ATP9B: variants seen among roughly 807,000 people sequenced by gnomAD.
ATP9B encodes ATPase phospholipid transporting 9B.
In ATP9B, 110 loss-of-function variants were observed where a neutral mutation model predicts 146.1. That is an observed-to-expected ratio of 0.75 (90% CI 0.65 to 0.88). ATP9B has a LOEUF of 0.88. Ranked by LOEUF, ATP9B falls within the 40% of genes least tolerant of loss-of-function variation. ATP9B has a pLI of 0.00. For synonymous variants in ATP9B, 604 were observed against 569.7 expected (o/e 1.06, Z -0.86); for missense variants, 1,499 against 1,496.4 (o/e 1.00, Z -0.03).
chr18:79,280,216 C>G (rs1295671026), intron 13 of ATP9B, among the ~76,000 whole-genome samples: 2 of 151,240 alleles, frequency 1.3e-5, no homozygotes, highest in Non-Finnish European at 2.9e-5. Flanking sequence ...TGTTCAAGAA[C>G]TAAGAGAAAC....
chr18:79,349,157 C>G (rs1467416625), intron 25 of ATP9B, among the ~76,000 whole-genome samples: 1 of 152,196 alleles, frequency 6.6e-6, no homozygotes, highest in African/African-American at 2.4e-5. Context: ...GTGGTTATGA[C>G]TAGAAATGAA....
chr18:79,215,697 C>CTT (rs145473712), intron 11 of ATP9B, among the ~76,000 whole-genome samples: 3 of 149,904 alleles, frequency 2.0e-5, no homozygotes, highest in African/African-American at 2.4e-5. Context: ...ACTAGAACAT[C>CTT]TTTTTTTTTT....
intron 12 of ATP9B, among the ~76,000 whole-genome samples, chr18:79,274,444 T>C (rs1268607714): frequency 5.3e-5 from 8 of 152,216 alleles, no homozygotes; most frequent in Non-Finnish European, 1.0e-4. Flanking sequence ...TGTGTTGTTA[T>C]ATACTCCTTA....
chr18:79,266,817 T>A (rs1171026925), intron 12 of ATP9B, among the ~76,000 whole-genome samples: 5 of 152,072 alleles, frequency 3.3e-5, no homozygotes, highest in Non-Finnish European at 7.4e-5. Flanking sequence ...TGATGGTATG[T>A]TAGTATTTTG....
intron 5 of ATP9B, among the ~76,000 whole-genome samples, chr18:79,141,924 G>A (rs1599853646): frequency 6.6e-6 from 1 of 152,216 alleles, no homozygotes; most frequent in South Asian, 2.1e-4. Flanking sequence ...CCTCCCCTGT[G>A]TTCTCTGTCC....
intron 25 of ATP9B, among the ~76,000 whole-genome samples, chr18:79,359,105 A>G (rs1014235813): frequency 2.0e-5 from 3 of 152,132 alleles, no homozygotes; most frequent in Non-Finnish European, 4.4e-5. Context: ...ATCTCAACAT[A>G]GAAAGGTAAA....
chr18:79,307,305 T>C, intron 15 of ATP9B, 71 bp downstream of exon 15: 5 of 1,595,454 alleles, frequency 3.1e-6, no homozygotes, highest in Non-Finnish European at 4.3e-6. Context: ...GGATTCATTC[T>C]TTCTGGGATG....
chr18:79,196,195 C>T (rs1312644029), intron 9 of ATP9B, among the ~76,000 whole-genome samples: 3 of 152,166 alleles, frequency 2.0e-5, no homozygotes, highest in African/African-American at 7.2e-5. Context: ...GTGTTTTGCT[C>T]CTTCAAAACT....
rs758236025 is a variant in ATP9B, at chr18:79,303,665, C to G, written c.1473C>G (p.Gly491=). ...KRLHLGTVSY[G]ADTMDEIQSH... is the part of the protein sequence containing the mutation. ...TGCACCTGGGCACCGTGTCCTATGG[C>G]GCCGACACGATGGATGAGATCCAGA... Residue 491 remains glycine, a synonymous_variant, in exon 14 of 30, where the codon GGC becomes GGG. Coordinates refer to ENST00000426216, the MANE Select transcript of ATP9B (RefSeq NM_198531.5). 1.9e-6 allele frequency: 3 copies of G among 1,614,066 alleles called. No individual in the cohort carries two copies. Among genetic ancestry groups the G allele is most frequent in the Non-Finnish European group, 8.5e-7 (1 of 1,179,968 alleles).
chr18:79,324,575 G>A (rs895526321), intron 15 of ATP9B, among the ~76,000 whole-genome samples: 5 of 152,220 alleles, frequency 3.3e-5, no homozygotes, highest in South Asian at 2.1e-4. Flanking sequence ...TTCAGCCAGC[G>A]CTGTGGGCTG....
intron 11 of ATP9B, among the ~76,000 whole-genome samples, chr18:79,218,136 CTG>C (rs1349387085): frequency 6.6e-6 from 1 of 152,242 alleles, no homozygotes; most frequent in African/African-American, 2.4e-5. Context: ...TCCGGCCAGG[CTG>C]GCAGCTCCTG....
At chr18:79,231,597 A>T (rs573042397) in intron 11 of ATP9B, among the ~76,000 whole-genome samples, 1 of 152,160 alleles carries the variant, frequency 6.6e-6, no homozygotes, top group African/African-American at 2.4e-5. Flanking sequence ...TAAAGAACTA[A>T]AAGTAGAACT....
At chr18:79,284,162 T>C (rs1285706264) in intron 13 of ATP9B, among the ~76,000 whole-genome samples, 1 of 152,202 alleles carries the variant, frequency 6.6e-6, no homozygotes, top group Non-Finnish European at 1.5e-5. Context: ...GCATGACGTG[T>C]GTGCTAGTGA....
intron 1 of ATP9B, among the ~76,000 whole-genome samples, chr18:79,076,869 A>G (rs633329): frequency 0.87 from 131,791 of 152,012 alleles, 57,196 homozygotes; most frequent in Middle Eastern, 0.94. Context: ...AGTTTCTGTT[A>G]TTTTCTCTTA....
intron 8 of ATP9B, among the ~76,000 whole-genome samples, chr18:79,177,270 C>T (rs947151585): frequency 6.6e-6 from 1 of 152,128 alleles, no homozygotes; most frequent in Non-Finnish European, 1.5e-5. Context: ...GGTTGTCACT[C>T]TGTTGCCCAG....
At chr18:79,163,767 T>C (rs549491101) in intron 7 of ATP9B, among the ~76,000 whole-genome samples, 1 of 152,080 alleles carries the variant, frequency 6.6e-6, no homozygotes, top group African/African-American at 2.4e-5. Context: ...TAATATAATA[T>C]ATGTCTCTAA....
At chr18:79,240,945 C>A (rs1039247553) in intron 11 of ATP9B, among the ~76,000 whole-genome samples, 2 of 152,104 alleles carry the variant, frequency 1.3e-5, no homozygotes, top group Admixed American at 1.3e-4. Context: ...TGACCAAACA[C>A]CTAACCTCCT....
At chr18:79,107,443 A>G (rs376958120) in intron 2 of ATP9B, among the ~76,000 whole-genome samples, 32 of 152,214 alleles carry the variant, frequency 2.1e-4, no homozygotes, top group African/African-American at 6.3e-4. Context: ...TGCCCAAGCT[A>G]CTGTTGGGAG....
At chr18:79,318,939 C>T (rs1292025298) in intron 15 of ATP9B, among the ~76,000 whole-genome samples, 1 of 152,140 alleles carries the variant, frequency 6.6e-6, no homozygotes, top group East Asian at 1.9e-4. Flanking sequence ...GTGGTGTGGT[C>T]TTCCTTTAAC....
Sources: gnomAD v4.1 joint callset for allele counts (sites outside exome capture counted in the v4.1 genomes callset) on GRCh38, gnomAD v4.1.1 for gene constraint, MANE v1.5 for transcripts, NCBI Gene and HGNC (gene_info 2026-07-23, HGNC 2026-07-21) for gene names.